BCKDHB: variants seen among roughly 807,000 people sequenced by gnomAD.
The protein encoded by BCKDHB is branched chain keto acid dehydrogenase E1 subunit beta, also known as 2-oxoisovalerate dehydrogenase subunit beta, mitochondrial.
In BCKDHB, 41 loss-of-function variants were observed where a neutral mutation model predicts 48.5. That is an observed-to-expected ratio of 0.85 (90% CI 0.66 to 1.10). The LOEUF (loss-of-function observed/expected upper bound fraction) is 1.10. BCKDHB is among the 50% of genes least tolerant of loss of function. BCKDHB has a pLI of 0.00. For missense variants in BCKDHB, 496 were observed against 494.2 expected (o/e 1.00, Z -0.03); for synonymous variants, 201 against 174.8 (o/e 1.15, Z -1.18).
the BCKDHB span, among the ~76,000 whole-genome samples, chr6:80,417,475 A>G: frequency 5.7e-3 from 873 of 152,248 alleles, 9 homozygotes; most frequent in African/African-American, 0.02. Context: ...GTGGCTTGTA[A>G]TGGTCCTTCC....
chr6:80,462,909 A>T, the BCKDHB span: 5 of 152,192 alleles, frequency 3.3e-5, no homozygotes, highest in Non-Finnish European at 5.9e-5. Flanking sequence ...ATGCACTGGG[A>T]GCAAGCCACC....
intron 8 of BCKDHB, among the ~76,000 whole-genome samples, chr6:80,242,462 G>A (rs2127916400): frequency 6.6e-6 from 1 of 152,100 alleles, no homozygotes; most frequent in East Asian, 1.9e-4. Context: ...AGTTATTTTT[G>A]GTGGGGTGGG....
the BCKDHB span, chr6:80,355,517 C>T: frequency 3.3e-5 from 5 of 151,304 alleles, no homozygotes; most frequent in South Asian, 2.1e-4. Context: ...TGAAATATTT[C>T]GGAGAACAGT....
chr6:80,283,786 T>C (rs1227656841), intron 9 of BCKDHB, among the ~76,000 whole-genome samples: 1 of 152,116 alleles, frequency 6.6e-6, no homozygotes, highest in African/African-American at 2.4e-5. Context: ...TATTTCAGTA[T>C]GTATATTTTA....
intron 3 of BCKDHB, among the ~76,000 whole-genome samples, chr6:80,140,459 T>G (rs1046579978): frequency 7.8e-6 from 1 of 128,030 alleles, no homozygotes; most frequent in Admixed American, 7.2e-5. Context: ...ATAGCTCTTA[T>G]TATTTTGAGA....
the BCKDHB span, among the ~76,000 whole-genome samples, chr6:80,407,454 G>A: frequency 6.6e-6 from 1 of 152,108 alleles, no homozygotes; most frequent in East Asian, 1.9e-4. Context: ...GGGCAGTATG[G>A]CCATTTTCAC....
At chr6:80,200,611 C>G (rs186208427) in intron 6 of BCKDHB, among the ~76,000 whole-genome samples, 121 of 152,232 alleles carry the variant, frequency 7.9e-4, no homozygotes, top group Non-Finnish European at 1.2e-4. Flanking sequence ...ATGTAGGATA[C>G]AATTATTATA....
chr6:80,289,454 A>G (rs1359791959), intron 9 of BCKDHB, among the ~76,000 whole-genome samples: 2 of 152,168 alleles, frequency 1.3e-5, no homozygotes, highest in African/African-American at 4.8e-5. Context: ...TGCAGCTCCC[A>G]CTGAGAGAGA....
chr6:80,308,845 G>C (rs973473359), intron 9 of BCKDHB, among the ~76,000 whole-genome samples: 3 of 151,946 alleles, frequency 2.0e-5, no homozygotes, highest in Non-Finnish European at 4.4e-5. Context: ...GCCTCCCAAA[G>C]AGCTGGGTTA....
At chr6:80,203,852 C>T (rs1468938362) in intron 8 of BCKDHB, among the ~76,000 whole-genome samples, 4 of 151,990 alleles carry the variant, frequency 2.6e-5, no homozygotes, top group Non-Finnish European at 5.9e-5. Context: ...TCTTTATATC[C>T]AGTATCTTTC....
At chr6:80,372,391 C>T in the BCKDHB span, among the ~76,000 whole-genome samples, 15 of 151,984 alleles carry the variant, frequency 9.9e-5, no homozygotes, top group Non-Finnish European at 1.9e-4. Flanking sequence ...ATATCAGCAG[C>T]AAACAGCAAC....
At chr6:80,385,432 G>T in the BCKDHB span, among the ~76,000 whole-genome samples, 1 of 152,194 alleles carries the variant, frequency 6.6e-6, no homozygotes, top group Non-Finnish European at 1.5e-5. Context: ...ATGTGTGGGA[G>T]GACCCTGTTG....
At chr6:80,182,650 A>G (rs950680596) in intron 6 of BCKDHB, among the ~76,000 whole-genome samples, 17 of 152,086 alleles carry the variant, frequency 1.1e-4, no homozygotes, top group Admixed American at 5.2e-4. Flanking sequence ...CTGTGCTTTT[A>G]TATTTACATA....
At chr6:80,207,874 A>T (rs990108454) in intron 8 of BCKDHB, among the ~76,000 whole-genome samples, 1 of 151,822 alleles carries the variant, frequency 6.6e-6, no homozygotes, top group East Asian at 1.9e-4. Context: ...AACAAAGAAA[A>T]CACAGAACTC....
chr6:80,366,905 T>G, the BCKDHB span, among the ~76,000 whole-genome samples: 1 of 152,254 alleles, frequency 6.6e-6, no homozygotes, highest in African/African-American at 2.4e-5. Flanking sequence ...AGGTGAGCCA[T>G]GTTCCTGGAG....
At chr6:80,351,405 T>C in the BCKDHB span, among the ~76,000 whole-genome samples, 1 of 152,120 alleles carries the variant, frequency 6.6e-6, no homozygotes, top group Non-Finnish European at 1.5e-5. Flanking sequence ...TCTTTCATCT[T>C]TTCTGTTCTT....
At chr6:80,363,697 A>T in the BCKDHB span, among the ~76,000 whole-genome samples, 1 of 152,238 alleles carries the variant, frequency 6.6e-6, no homozygotes, top group Non-Finnish European at 1.5e-5. Context: ...ATTACAAAAG[A>T]AATGTCCATG....
At chr6:80,243,089 A>G (rs17506768) in intron 8 of BCKDHB, among the ~76,000 whole-genome samples, 3,395 of 152,284 alleles carry the variant, frequency 0.022, 79 homozygotes, top group South Asian at 0.056. Flanking sequence ...ACTGGACAGT[A>G]TGGCCAGAAT....
the BCKDHB span, among the ~76,000 whole-genome samples, chr6:80,378,451 G>A: frequency 6.6e-6 from 1 of 152,020 alleles, no homozygotes; most frequent in African/African-American, 2.4e-5. Flanking sequence ...CACTGTGTGT[G>A]TGTATGTGTG....
Sources: allele counts gnomAD v4.1 joint callset (sites outside exome capture counted in the v4.1 genomes callset), GRCh38; gene constraint gnomAD v4.1.1; transcripts MANE v1.5; gene names NCBI Gene and HGNC (gene_info 2026-07-23, HGNC 2026-07-21).